Variants in ACOT13 observed in about 807,000 individuals in gnomAD.
The protein encoded by ACOT13 is acyl-coenzyme A thioesterase 13.
A neutral mutation model predicts 11.8 loss-of-function variants in ACOT13; 10 were observed. The ratio of observed to expected loss-of-function variants is 0.85; its 90% CI spans 0.53 to 1.44. The LOEUF (loss-of-function observed/expected upper bound fraction) is 1.44, where lower values mean the gene tolerates loss of function less well. Among genes scored for constraint, ACOT13 ranks in the 40% most tolerant of loss-of-function variants. The pLI is 0.00. For synonymous variants in ACOT13, 53 were observed against 61.0 expected (o/e 0.87, Z 0.61); for missense variants, 172 against 174.1 (o/e 0.99, Z 0.07).
intron 1 of ACOT13, chr6:24,687,325 T>A: frequency 4.7e-6 from 3 of 634,094 alleles, no homozygotes; most frequent in Non-Finnish European, 6.1e-6. Context: ...TATTAAAACT[T>A]TTGAGTAGTT....
At chr6:24,701,386 C>A in intron 2 of ACOT13, 73 bp from the exon 3 acceptor site, 2 of 1,346,930 alleles carry the variant, frequency 1.5e-6, no homozygotes, top group Non-Finnish European at 2.0e-6. Flanking sequence ...TACATAGGAA[C>A]ACTGTTGTGA....
chr6:24,671,992 G>T (rs1489683794), intron 1 of ACOT13, among the ~76,000 whole-genome samples: 1 of 152,142 alleles, frequency 6.6e-6, no homozygotes, highest in African/African-American at 2.4e-5. Flanking sequence ...TGTAATTTTT[G>T]TACCAAATAA....
At chr6:24,686,570 TTC>T (rs1437112752) in intron 1 of ACOT13, among the ~76,000 whole-genome samples, 8 of 151,970 alleles carry the variant, frequency 5.3e-5, no homozygotes, top group Non-Finnish European at 8.8e-5. Context: ...TTTTATTCTA[TTC>T]TTTTTTCTTT....
intron 1 of ACOT13, among the ~76,000 whole-genome samples, chr6:24,696,780 TTC>T (rs1251255203): frequency 6.6e-6 from 1 of 151,828 alleles, no homozygotes; most frequent in African/African-American, 2.4e-5. Context: ...AAATCATAAA[TTC>T]TTTTTTTTTT....
rs895958205 is a variant in ACOT13 at position 24,667,114 on chromosome 6, C to G, written c.-150C>G. The G allele has an allele frequency of 1.6e-5, 14 of 898,026 alleles. No homozygotes were observed. The highest frequency in any genetic ancestry group is 3.4e-4 in the Middle Eastern group (1 of 2,912). The allele number at this position is 898,026 out of a possible 1,614,324, so 55.6% of individuals were successfully genotyped here. Reference sequence around the variant, plus strand: ...GCGGACCACCGGGGCTGCCAGCTCGCCTGACTCCCGGCCTCTTGCGCTCCT... The same window carrying G: ...GCGGACCACCGGGGCTGCCAGCTCGGCTGACTCCCGGCCTCTTGCGCTCCT... On this transcript the variant is annotated 5_prime_UTR_variant, in exon 1 of 3. Transcript: ENST00000230048.
At chr6:24,687,733 C>CA (rs1562160002) in intron 1 of ACOT13, 4 of 1,398,098 alleles carry the variant, frequency 2.9e-6, no homozygotes, top group Non-Finnish European at 3.7e-6. Context: ...TTTTTTGAGA[C>CA]AGAGTCTCAC....
At chr6:24,670,997 T>C (rs1004582109) in intron 1 of ACOT13, among the ~76,000 whole-genome samples, 1 of 152,036 alleles carries the variant, frequency 6.6e-6, no homozygotes, top group Non-Finnish European at 1.5e-5. Flanking sequence ...AATAGTTACG[T>C]TTTTACACTG....
intron 1 of ACOT13, among the ~76,000 whole-genome samples, chr6:24,679,869 C>T (rs1239677015): frequency 6.6e-6 from 1 of 152,140 alleles, no homozygotes; most frequent in African/African-American, 2.4e-5. Context: ...TGAGAATTTA[C>T]CTAGGTCTAT....
Position 24,701,713 on chromosome 6 carries a change from A to G in ACOT13, c.*98A>G, listed in dbSNP as rs62400786. ...TTTTGAAATAAACTAGCAAAACCAG[A>G]AGCAGCTAGAAATATTCTTGGAGGA... On this transcript the variant is annotated 3_prime_UTR_variant, in exon 3 of 3. Transcript: ENST00000230048. 0.034 allele frequency: 42,606 copies of G among 1,268,256 alleles called. 803 individuals are homozygous for G. Among genetic ancestry groups the G allele is most frequent in the Non-Finnish European group, 0.038 (35,684 of 938,816 alleles). 78.6% of individuals were successfully genotyped at this position (1,268,256 alleles called of 1,614,324 possible). A position where few individuals can be genotyped will look rare whatever the true frequency, so the allele number is the denominator to read the frequency against.
chr6:24,681,397 C>T (rs760101915), intron 1 of ACOT13, among the ~76,000 whole-genome samples: 2 of 152,180 alleles, frequency 1.3e-5, no homozygotes, highest in Non-Finnish European at 2.9e-5. Flanking sequence ...TTTACATTGA[C>T]AACAGTGGTA....
intron 2 of ACOT13, among the ~76,000 whole-genome samples, chr6:24,699,457 G>T (rs987390142): frequency 6.6e-6 from 1 of 152,234 alleles, no homozygotes; most frequent in Non-Finnish European, 1.5e-5. Context: ...TGATCTGCCC[G>T]CCTTGGCCTC....
chr6:24,690,953 A>G (rs571509639), intron 1 of ACOT13, among the ~76,000 whole-genome samples: 1 of 152,136 alleles, frequency 6.6e-6, no homozygotes, highest in Non-Finnish European at 1.5e-5. Context: ...ATCTACTTCT[A>G]CACCTTGACT....
intron 1 of ACOT13, chr6:24,687,383 C>T: frequency 8.6e-7 from 1 of 1,162,618 alleles, no homozygotes; most frequent in Admixed American, 4.6e-5. Flanking sequence ...AGTTAGTTGC[C>T]ATTGAAACTT....
At chr6:24,675,212 A>C (rs1191463965) in intron 1 of ACOT13, among the ~76,000 whole-genome samples, 1 of 152,214 alleles carries the variant, frequency 6.6e-6, no homozygotes, top group Non-Finnish European at 1.5e-5. Flanking sequence ...GTGTCTTTAC[A>C]GCAGCATGAT....
At chr6:24,689,762 A>C (rs1778693960) in intron 1 of ACOT13, among the ~76,000 whole-genome samples, 1 of 152,220 alleles carries the variant, frequency 6.6e-6, no homozygotes, top group African/African-American at 2.4e-5. Context: ...AAAAACAGTA[A>C]GTTAGATGGC....
chr6:24,676,226 T>A (rs1778452916), intron 1 of ACOT13, among the ~76,000 whole-genome samples: 1 of 152,074 alleles, frequency 6.6e-6, no homozygotes, highest in Admixed American at 6.6e-5. Context: ...TTTGGTTCCA[T>A]ATGAACTTTA....
intron 2 of ACOT13, among the ~76,000 whole-genome samples, chr6:24,699,432 G>A (rs1016363670): frequency 5.3e-5 from 8 of 152,106 alleles, no homozygotes; most frequent in East Asian, 1.9e-4. Flanking sequence ...GGCTGGTCTC[G>A]ATCTCCTCAC....
intron 1 of ACOT13, among the ~76,000 whole-genome samples, chr6:24,673,359 T>G (rs532009119): frequency 4.2e-4 from 64 of 152,208 alleles, no homozygotes; most frequent in Admixed American, 1.5e-3. Context: ...AAAATTAAAT[T>G]CTCTTATAAT....
rs1453851388 is a variant in ACOT13 at position 24,704,805 on chromosome 6, C to T, written c.*3190C>T. 6.6e-6 allele frequency: 1 copy of T among 152,188 alleles called. No individual in the cohort carries two copies. Among genetic ancestry groups the T allele is most frequent in the Non-Finnish European group, 1.5e-5 (1 of 68,022 alleles). The allele number at this position is 152,188 out of a possible 1,614,324, so 9.4% of individuals were successfully genotyped here. ...TTTAGCCACAGACTATGAAATAATT[C>T]TCTAAGGTGACCAGTAACATCAGTG... On this transcript the variant is annotated 3_prime_UTR_variant, in exon 3 of 3. Transcript: ENST00000230048.
Sources: allele counts gnomAD v4.1 joint callset (sites outside exome capture counted in the v4.1 genomes callset), GRCh38; gene constraint gnomAD v4.1.1; transcripts MANE v1.5; gene names NCBI Gene and HGNC (gene_info 2026-07-23, HGNC 2026-07-21).